The following TMED3 variants were observed in gnomAD, a reference collection of about 807,000 sequenced individuals.
TMED3 encodes the protein transmembrane emp24 domain-containing protein 3.
TMED3 carries 9 observed loss-of-function variants against 15.0 expected under a neutral mutation model. The ratio of observed to expected loss-of-function variants is 0.60; its 90% CI spans 0.36 to 1.04. The LOEUF (loss-of-function observed/expected upper bound fraction) is 1.04. TMED3 is among the 50% of genes least tolerant of loss of function. The pLI, the probability that TMED3 is intolerant of heterozygous loss-of-function variation, is 0.01. For synonymous variants in TMED3, 117 were observed against 121.4 expected (o/e 0.96, Z 0.24); for missense variants, 267 against 278.9 (o/e 0.96, Z 0.30).
chr15:79,400,068 C>T (rs1201107213), intron 2 of TMED3, among the ~76,000 whole-genome samples: 1 of 152,218 alleles, frequency 6.6e-6, no homozygotes, highest in African/African-American at 2.4e-5. Context: ...TTCTGCCTTT[C>T]TCTCCAGCCT....
intron 1 of TMED3, among the ~76,000 whole-genome samples, 186 bp downstream of exon 1, chr15:79,311,603 C>T (rs550197175): frequency 1.3e-5 from 2 of 152,298 alleles, no homozygotes; most frequent in South Asian, 2.1e-4. Context: ...TCAGGGCCCA[C>T]CCGAGACGAG....
intron 2 of TMED3, among the ~76,000 whole-genome samples, chr15:79,373,789 C>T (rs1258710557): frequency 6.6e-6 from 1 of 152,136 alleles, no homozygotes; most frequent in Non-Finnish European, 1.5e-5. Flanking sequence ...ATGTAAGGTA[C>T]ACATTGGTTT....
intron 2 of TMED3, among the ~76,000 whole-genome samples, chr15:79,379,251 C>T (rs1383718843): frequency 6.6e-6 from 1 of 152,098 alleles, no homozygotes. Flanking sequence ...ATTGTCTTGC[C>T]TGCTTTGTAA....
intron 2 of TMED3, among the ~76,000 whole-genome samples, chr15:79,343,689 C>T (rs2058859160): frequency 6.6e-6 from 1 of 152,042 alleles, no homozygotes; most frequent in African/African-American, 2.4e-5. Context: ...GCAGACATGA[C>T]AATGGATTCA....
downstream of TMED3, among the ~76,000 whole-genome samples, chr15:79,324,385 G>C (rs993111262): frequency 6.6e-6 from 1 of 152,156 alleles, no homozygotes; most frequent in Non-Finnish European, 1.5e-5. Flanking sequence ...AAATACAATA[G>C]GGTACTCTAT....
At chr15:79,366,898 AT>A (rs34189489) in intron 2 of TMED3, among the ~76,000 whole-genome samples, 2 of 151,556 alleles carry the variant, frequency 1.3e-5, no homozygotes, top group South Asian at 2.1e-4. Flanking sequence ...TTTAAGGTGC[AT>A]TTTTTTTTCT....
intron 2 of TMED3, among the ~76,000 whole-genome samples, chr15:79,363,322 A>T (rs1465458635): frequency 6.6e-6 from 1 of 152,228 alleles, no homozygotes; most frequent in East Asian, 1.9e-4. Context: ...ATAAGAACAG[A>T]TTAATAGACC....
intron 2 of TMED3, among the ~76,000 whole-genome samples, chr15:79,359,580 C>T (rs1006064810): frequency 6.6e-6 from 1 of 152,050 alleles, no homozygotes. Context: ...AGGTGAGTCT[C>T]CCTGTCCAGG....
chr15:79,370,235 A>G (rs61128489), intron 2 of TMED3, among the ~76,000 whole-genome samples: 1,618 of 146,916 alleles, frequency 0.011, 30 homozygotes, highest in African/African-American at 0.038. Context: ...GATTACAGGC[A>G]TGGGCCACCA....
chr15:79,412,922 G>C (rs1369684661), exon 3 of TMED3: 1 of 152,224 alleles, frequency 6.6e-6, no homozygotes, highest in African/African-American at 2.4e-5. Flanking sequence ...CAATCCCCTA[G>C]GGTTAGGGTA....
intron 2 of TMED3, chr15:79,383,235 C>A: frequency 3.6e-6 from 2 of 560,400 alleles, no homozygotes; most frequent in South Asian, 5.0e-5. Context: ...TACCCGATTT[C>A]CAATGTGGCT....
At chr15:79,371,015 C>A (rs1464472613) in intron 2 of TMED3, among the ~76,000 whole-genome samples, 1 of 152,240 alleles carries the variant, frequency 6.6e-6, no homozygotes, top group Non-Finnish European at 1.5e-5. Flanking sequence ...TGAACTGTTA[C>A]TAATCTGACA....
At chr15:79,341,564 A>G (rs1595893690) in intron 2 of TMED3, among the ~76,000 whole-genome samples, 1 of 152,176 alleles carries the variant, frequency 6.6e-6, no homozygotes, top group African/African-American at 2.4e-5. Context: ...AGGCAGATGG[A>G]GAAGAGAGAC....
chr15:79,338,197 G>A (rs2058834162), intron 2 of TMED3, among the ~76,000 whole-genome samples: 1 of 152,234 alleles, frequency 6.6e-6, no homozygotes, highest in South Asian at 2.1e-4. Context: ...GGGAATTGAA[G>A]ATAGAAATTG....
exon 3 of TMED3, chr15:79,413,252 GA>G (rs1210336190): frequency 6.6e-6 from 1 of 152,202 alleles, no homozygotes. Context: ...TTTTAAAAAA[GA>G]GATTCAGAGA....
At chr15:79,388,257 A>G (rs1893651676) in intron 2 of TMED3, among the ~76,000 whole-genome samples, 1 of 152,156 alleles carries the variant, frequency 6.6e-6, no homozygotes, top group Admixed American at 6.5e-5. Flanking sequence ...TCTTTAGACA[A>G]TAGGGAAGTA....
At chr15:79,393,805 C>T (rs1893727447) in intron 2 of TMED3, among the ~76,000 whole-genome samples, 1 of 152,156 alleles carries the variant, frequency 6.6e-6, no homozygotes, top group African/African-American at 2.4e-5. Context: ...AAGCCATACT[C>T]CCACCTCAGC....
chr15:79,323,114 C>T (rs973996404), downstream of TMED3, among the ~76,000 whole-genome samples: 2 of 152,190 alleles, frequency 1.3e-5, no homozygotes, highest in Admixed American at 6.5e-5. Context: ...TATCTGCATG[C>T]CCTGCTCCAT....
Position 79,362,404 on chromosome 15 carries a change from T to G in TMED3, c.417+48399T>G, listed in dbSNP as rs796606406. Among the ~76,000 whole-genome samples the G allele has an allele frequency of 2.0e-5, 3 of 152,106 alleles. No homozygotes were observed. The South Asian group carries it at 6.2e-4, about 32-fold the overall frequency. On this transcript the variant is annotated intron_variant, in intron 2 of 2. Transcript: ENST00000424155. ...AGGAGGCTGAGGTGGTAGGATTTCTTGAGCCTGGGAGGTTGAGGCTGTATG... is the reference window on the plus strand; with the variant it reads ...AGGAGGCTGAGGTGGTAGGATTTCTGGAGCCTGGGAGGTTGAGGCTGTATG...
Sources: gnomAD v4.1 joint callset for allele counts (sites outside exome capture counted in the v4.1 genomes callset) on GRCh38, gnomAD v4.1.1 for gene constraint, MANE v1.5 for transcripts, NCBI Gene and HGNC (gene_info 2026-07-23, HGNC 2026-07-21) for gene names.